The following CTNNA2 variants were observed in gnomAD, a reference collection of about 807,000 sequenced individuals.
CTNNA2 encodes catenin alpha-2.
Under a neutral mutation model 101.0 loss-of-function variants are expected in CTNNA2, and 42 were observed. That is an observed-to-expected ratio of 0.42 (90% confidence interval 0.32 to 0.54). The LOEUF (loss-of-function observed/expected upper bound fraction) is 0.54. Ranked by LOEUF, CTNNA2 falls within the 20% of genes least tolerant of loss-of-function variation. The pLI is 0.14. For synonymous variants in CTNNA2, 450 were observed against 456.4 expected, an observed-to-expected ratio of 0.99 and a Z score of 0.18; for missense variants, 871 against 1,223.1, an observed-to-expected ratio of 0.71 and a Z score of 4.29.
chr2:79,365,903 G>A (rs1193231938), intron 3 of CTNNA2, among the ~76,000 whole-genome samples: 2 of 152,138 alleles, frequency 1.3e-5, no homozygotes, highest in Admixed American at 6.5e-5. Context: ...TTACCAGGTC[G>A]CTGGCAAGTG....
chr2:80,054,692 G>C (rs1697106480), intron 7 of CTNNA2, among the ~76,000 whole-genome samples: 1 of 152,126 alleles, frequency 6.6e-6, no homozygotes, highest in South Asian at 2.1e-4. Context: ...CCTAGGAAGG[G>C]AGAAAAGGGA....
At chr2:80,008,081 C>G (rs1475172647) in intron 7 of CTNNA2, among the ~76,000 whole-genome samples, 2 of 152,196 alleles carry the variant, frequency 1.3e-5, no homozygotes, top group African/African-American at 4.8e-5. Context: ...TGACCCAGAT[C>G]TACAGCCTTA....
At chr2:80,570,085 G>C (rs1317950382) in intron 12 of CTNNA2, among the ~76,000 whole-genome samples, 2 of 152,126 alleles carry the variant, frequency 1.3e-5, no homozygotes, top group Non-Finnish European at 2.9e-5. Context: ...GTCTCGCTCT[G>C]TTGCCCAGGC....
chr2:79,995,159 T>C (rs1158887307), intron 7 of CTNNA2, among the ~76,000 whole-genome samples: 2 of 152,188 alleles, frequency 1.3e-5, no homozygotes, highest in Non-Finnish European at 2.9e-5. Flanking sequence ...TGCAATTATC[T>C]CAGCTTGTTT....
chr2:80,574,398 T>C, intron 13 of CTNNA2, 84 bp downstream of exon 13: 1 of 1,413,616 alleles, frequency 7.1e-7, no homozygotes, highest in Non-Finnish European at 9.4e-7. Flanking sequence ...ATTATTTATT[T>C]TGTAATTACT....
intron 7 of CTNNA2, among the ~76,000 whole-genome samples, chr2:80,300,284 GTGT>G (rs761139499): frequency 0.088 from 1,057 of 12,070 alleles, 6 homozygotes; most frequent in Non-Finnish European, 0.11. Flanking sequence ...GTGTTGGGGT[GTGT>G]GTGTGTGTGT....
intron 7 of CTNNA2, among the ~76,000 whole-genome samples, chr2:80,209,864 CA>C (rs1478324412): frequency 6.7e-6 from 1 of 149,720 alleles, no homozygotes; most frequent in African/African-American, 2.6e-5. Context: ...ATTTATATAT[CA>C]TTTTTTTGAT....
intron 6 of CTNNA2, 77 bp downstream of exon 6, chr2:79,874,419 G>T: frequency 7.4e-7 from 1 of 1,351,272 alleles, no homozygotes. Context: ...AGGATGAAGG[G>T]CCACTACAAT....
chr2:80,030,664 C>T (rs764792038), intron 7 of CTNNA2: 8 of 152,016 alleles, frequency 5.3e-5, no homozygotes, highest in Non-Finnish European at 1.0e-4. Context: ...ATGAAGATGG[C>T]GATCTTTGAT....
intron 2 of CTNNA2, among the ~76,000 whole-genome samples, chr2:79,724,282 C>T (rs1026783278): frequency 5.9e-5 from 9 of 151,496 alleles, no homozygotes; most frequent in African/African-American, 1.7e-4. Flanking sequence ...AAAAACAATA[C>T]AAAACAAAAC....
At chr2:79,722,116 T>C (rs762737878) in intron 2 of CTNNA2, among the ~76,000 whole-genome samples, 7 of 152,218 alleles carry the variant, frequency 4.6e-5, no homozygotes, top group African/African-American at 7.2e-5. Flanking sequence ...GTGTCACCAC[T>C]GATTCATTCA....
chr2:80,270,111 C>T (rs962182306), intron 7 of CTNNA2, among the ~76,000 whole-genome samples: 10 of 152,268 alleles, frequency 6.6e-5, no homozygotes, highest in Middle Eastern at 3.4e-3. Context: ...AAGGTGAATT[C>T]GTTCCGATGA....
intron 7 of CTNNA2, among the ~76,000 whole-genome samples, chr2:79,912,465 T>C: frequency 6.6e-6 from 1 of 152,234 alleles, no homozygotes; most frequent in East Asian, 1.9e-4. Flanking sequence ...TGAACGTGGG[T>C]GTGCAACTTG....
chr2:79,333,897 A>G (rs969597845), intron 3 of CTNNA2, among the ~76,000 whole-genome samples: 4 of 152,098 alleles, frequency 2.6e-5, no homozygotes, highest in Non-Finnish European at 4.4e-5. Flanking sequence ...AGCATTTTTT[A>G]TATACCTGTT....
intron 12 of CTNNA2, among the ~76,000 whole-genome samples, chr2:80,571,212 C>T (rs1318052124): frequency 1.3e-5 from 2 of 152,088 alleles, no homozygotes; most frequent in Non-Finnish European, 2.9e-5. Context: ...GGGGTCTGAG[C>T]GGTGGGCATT....
At chr2:79,428,414 G>T (rs1678615240) in intron 4 of CTNNA2, among the ~76,000 whole-genome samples, 1 of 152,000 alleles carries the variant, frequency 6.6e-6, no homozygotes, top group African/African-American at 2.4e-5. Flanking sequence ...ACGAGAATAA[G>T]CAGAAAGTAA....
At chr2:80,249,816 A>G (rs1043734269) in intron 7 of CTNNA2, among the ~76,000 whole-genome samples, 2 of 152,230 alleles carry the variant, frequency 1.3e-5, no homozygotes, top group Admixed American at 1.3e-4. Context: ...ATGAAAAACC[A>G]TAGCATACCT....
At chr2:80,039,910 T>A (rs1695926660) in intron 7 of CTNNA2, among the ~76,000 whole-genome samples, 1 of 152,210 alleles carries the variant, frequency 6.6e-6, no homozygotes, top group Non-Finnish European at 1.5e-5. Context: ...TATCGCAAAC[T>A]TAAAATAAAA....
intron 18 of CTNNA2, among the ~76,000 whole-genome samples, chr2:80,625,783 C>A (rs1220226439): frequency 6.6e-6 from 1 of 151,968 alleles, no homozygotes; most frequent in Non-Finnish European, 1.5e-5. Flanking sequence ...TCATTTATTT[C>A]TATGTGAAAG....
Sources: allele counts gnomAD v4.1 joint callset (sites outside exome capture counted in the v4.1 genomes callset), GRCh38; gene constraint gnomAD v4.1.1; transcripts MANE v1.5; gene names NCBI Gene and HGNC (gene_info 2026-07-23, HGNC 2026-07-21).